FBXL17: variants seen among roughly 807,000 people sequenced by gnomAD.
The protein encoded by FBXL17 is F-box and leucine rich repeat protein 17.
Under a neutral mutation model 66.2 loss-of-function variants are expected in FBXL17, and 22 were observed. The ratio of observed to expected loss-of-function variants is 0.33; its 90% CI spans 0.24 to 0.47. The LOEUF is 0.47. Among genes scored for constraint, FBXL17 ranks in the 20% least tolerant of loss-of-function variants. The probability of loss-of-function intolerance (pLI) is 1.00; values close to 1 mark genes in which losing one functional copy is unlikely to be tolerated. For synonymous variants in FBXL17, 474 were observed against 400.5 expected, an observed-to-expected ratio of 1.18 and a Z score of -2.19; for missense variants, 878 against 948.2, an observed-to-expected ratio of 0.93 and a Z score of 0.97.
intron 7 of FBXL17, among the ~76,000 whole-genome samples, chr5:107,909,495 G>A (rs973482006): frequency 6.6e-6 from 1 of 152,182 alleles, no homozygotes; most frequent in Non-Finnish European, 1.5e-5. Context: ...GAACAACAAT[G>A]AGAATGATGG....
intron 3 of FBXL17, among the ~76,000 whole-genome samples, chr5:108,352,789 G>A (rs191422438): frequency 4.7e-4 from 71 of 152,292 alleles, no homozygotes; most frequent in Middle Eastern, 3.4e-3. Context: ...GATTACAGGC[G>A]TGAGCCACTG....
chr5:108,274,771 C>T lies in FBXL17; in HGVS notation c.1507-50543G>A, dbSNP rs576243597. On this transcript the variant is annotated intron_variant, in intron 4 of 8. Coordinates refer to ENST00000542267, the MANE Select transcript of FBXL17 (RefSeq NM_001163315.3). ...ATGTCCATGAAATCTTCACAATCCACGTTCTTCTGCCATGGCTTCAGCTGG... is the reference window on the plus strand; with the variant it reads ...ATGTCCATGAAATCTTCACAATCCATGTTCTTCTGCCATGGCTTCAGCTGG... 1.1e-4 allele frequency among the ~76,000 whole-genome samples: 16 copies of T among 152,338 alleles called. No homozygotes were observed. The South Asian group carries it at 3.3e-3, about 32-fold the overall frequency.
intron 7 of FBXL17, among the ~76,000 whole-genome samples, chr5:107,889,515 C>T (rs890498506): frequency 6.6e-6 from 1 of 152,120 alleles, no homozygotes; most frequent in Non-Finnish European, 1.5e-5. Flanking sequence ...TACACAGGGG[C>T]ATTCGTTTTA....
At chr5:108,051,218 C>A (rs1343761445) in intron 6 of FBXL17, among the ~76,000 whole-genome samples, 1 of 152,196 alleles carries the variant, frequency 6.6e-6, no homozygotes, top group Non-Finnish European at 1.5e-5. Context: ...AGGAGGGACT[C>A]CTCCCTAACT....
At chr5:107,866,380 G>A (rs1244604273) in intron 8 of FBXL17, among the ~76,000 whole-genome samples, 1 of 152,118 alleles carries the variant, frequency 6.6e-6, no homozygotes, top group Non-Finnish European at 1.5e-5. Context: ...CTCTTTTTAA[G>A]GTGGTAGCAA....
intron 4 of FBXL17, among the ~76,000 whole-genome samples, chr5:108,330,647 C>T (rs970617291): frequency 6.6e-6 from 1 of 152,100 alleles, no homozygotes; most frequent in African/African-American, 2.4e-5. Context: ...AAAAAACTCC[C>T]CTTCTAATAA....
chr5:108,283,707 T>G (rs953564272), intron 4 of FBXL17, among the ~76,000 whole-genome samples: 2 of 151,828 alleles, frequency 1.3e-5, no homozygotes, highest in Non-Finnish European at 2.9e-5. Flanking sequence ...AAAAGGGTTC[T>G]GCATGGCAAA....
chr5:108,231,965 T>C (rs1274757883), intron 4 of FBXL17, among the ~76,000 whole-genome samples: 3 of 151,142 alleles, frequency 2.0e-5, no homozygotes, highest in African/African-American at 7.3e-5. Context: ...TTTGGGTCAC[T>C]GTACCAGGAA....
intron 6 of FBXL17, among the ~76,000 whole-genome samples, chr5:108,044,202 G>C (rs1473462288): frequency 6.6e-6 from 1 of 152,102 alleles, no homozygotes; most frequent in East Asian, 1.9e-4. Flanking sequence ...GCACTGGCTA[G>C]AACTTCCAGT....
At chr5:107,947,170 G>C (rs1005984658) in intron 7 of FBXL17, among the ~76,000 whole-genome samples, 1 of 152,096 alleles carries the variant, frequency 6.6e-6, no homozygotes, top group African/African-American at 2.4e-5. Flanking sequence ...GATCCTGACA[G>C]GTAAAGTACA....
At chr5:107,960,304 C>T (rs1216084232) in intron 7 of FBXL17, among the ~76,000 whole-genome samples, 2 of 152,044 alleles carry the variant, frequency 1.3e-5, no homozygotes, top group African/African-American at 4.8e-5. Context: ...CTTCATATAT[C>T]ATTTTTGTGG....
intron 8 of FBXL17, among the ~76,000 whole-genome samples, chr5:107,866,372 CTTT>C (rs1249899707): frequency 2.0e-5 from 3 of 152,100 alleles, no homozygotes; most frequent in Admixed American, 2.0e-4. Context: ...TGTTGTAACT[CTTT>C]TTAAGGTGGT....
chr5:107,877,647 C>T (rs1580673766), intron 8 of FBXL17, among the ~76,000 whole-genome samples: 2 of 152,132 alleles, frequency 1.3e-5, no homozygotes, highest in Non-Finnish European at 2.9e-5. Flanking sequence ...ACTTCACAAA[C>T]CACATCTCTC....
intron 6 of FBXL17, among the ~76,000 whole-genome samples, chr5:108,064,325 T>C (rs531682694): frequency 6.6e-6 from 1 of 152,326 alleles, no homozygotes; most frequent in Admixed American, 6.5e-5. Flanking sequence ...TGAGCAGTCA[T>C]TTTCCCACTT....
chr5:108,301,098 C>G (rs1172956851), intron 4 of FBXL17, among the ~76,000 whole-genome samples: 1 of 151,682 alleles, frequency 6.6e-6, no homozygotes, highest in Non-Finnish European at 1.5e-5. Context: ...ATTATAGCTT[C>G]TTACTGCATT....
chr5:108,193,675 T>C (rs1462460862), intron 5 of FBXL17, among the ~76,000 whole-genome samples: 2 of 152,084 alleles, frequency 1.3e-5, no homozygotes, highest in African/African-American at 2.4e-5. Context: ...CATCTGAGGG[T>C]AGAACTGAAA....
chr5:108,253,526 CTTTG>C (rs1479736070), intron 4 of FBXL17, among the ~76,000 whole-genome samples: 3 of 152,096 alleles, frequency 2.0e-5, no homozygotes, highest in Non-Finnish European at 4.4e-5. Flanking sequence ...CCTCTCTCTT[CTTTG>C]TTCTCTTTAC....
At chr5:108,229,870 A>C (rs991869463) in intron 4 of FBXL17, among the ~76,000 whole-genome samples, 1 of 152,190 alleles carries the variant, frequency 6.6e-6, no homozygotes, top group African/African-American at 2.4e-5. Context: ...CAAATCAACA[A>C]GAATAAAACA....
rs374519585 is a variant in FBXL17 at position 108,339,065 on chromosome 5, A to G, written c.1506+9334T>C. Among the ~76,000 whole-genome samples, 3 of 152,300 alleles carry G rather than the reference A, an allele frequency of 2.0e-5. No individual in the cohort carries two copies. The South Asian group carries it at 6.2e-4, about 32-fold the overall frequency. The stretch of plus-strand genomic sequence containing the variant: ...TAAAATGATGGAAAAAGTGCATCCT[A>G]TTACCCAGAAGCCAGATTCAACTAC... On this transcript the variant is annotated intron_variant, in intron 4 of 8. Transcript: ENST00000542267.
Sources: allele counts gnomAD v4.1 joint callset (sites outside exome capture counted in the v4.1 genomes callset), GRCh38; gene constraint gnomAD v4.1.1; transcripts MANE v1.5; gene names NCBI Gene and HGNC (gene_info 2026-07-23, HGNC 2026-07-21).